Variants in GRIN2A observed in about 807,000 individuals in gnomAD.
GRIN2A encodes glutamate receptor ionotropic, NMDA 2A.
GRIN2A carries 22 observed loss-of-function variants against 113.4 expected under a neutral mutation model. The observed-to-expected ratio is 0.19, with a 90% CI of 0.14 to 0.28. GRIN2A has a LOEUF of 0.28. Among genes scored for constraint, GRIN2A ranks in the 10% least tolerant of loss-of-function variants. The pLI, the probability that GRIN2A is intolerant of heterozygous loss-of-function variation, is 1.00. For missense variants in GRIN2A, 1,502 were observed against 1,887.0 expected (o/e 0.80, Z 3.78); for synonymous variants, 827 against 738.4 (o/e 1.12, Z -1.94).
intron 2 of GRIN2A, chr16:10,111,895 A>G: frequency 2.3e-6 from 2 of 868,030 alleles, no homozygotes; most frequent in Non-Finnish European, 3.8e-6. Context: ...GAAGGACCAC[A>G]CCACCCTCCT....
At chr16:9,777,545 A>G (rs1175633257) in intron 11 of GRIN2A, among the ~76,000 whole-genome samples, 1 of 152,250 alleles carries the variant, frequency 6.6e-6, no homozygotes, top group Admixed American at 6.5e-5. Flanking sequence ...AAATAAAAAT[A>G]GGGCTAGGCT....
rs1473479428 is a variant in GRIN2A at position 9,798,395 on chromosome 16, C to T, written c.2238G>A (p.Lys746=). Residue 746 remains lysine, a synonymous_variant, in exon 11 of 13, where the codon AAG becomes AAA. Coordinates refer to ENST00000330684, the MANE Select transcript of GRIN2A (RefSeq NM_001134407.3). The part of the protein sequence containing the change: ...NYKAGRDEGC[K]LVTIGSGYIF... ...TGTACCCACTCCCGATGGTCACCAG[C>T]TTGCAGCCTTCATCCCTCCCAGCCT... 3 of 1,613,948 alleles carry T rather than the reference C, an allele frequency of 1.9e-6. No homozygotes were observed. The highest frequency in any genetic ancestry group is 3.3e-5 in the Admixed American group (2 of 60,006).
At chr16:9,895,736 G>T (rs1426533369) in intron 3 of GRIN2A, among the ~76,000 whole-genome samples, 1 of 152,186 alleles carries the variant, frequency 6.6e-6, no homozygotes, top group Non-Finnish European at 1.5e-5. Context: ...CAGTCACTCT[G>T]TACCTGCTGC....
At chr16:10,039,743 G>A (rs951428979) in intron 2 of GRIN2A, among the ~76,000 whole-genome samples, 1 of 140,190 alleles carries the variant, frequency 7.1e-6, no homozygotes, top group Non-Finnish European at 1.6e-5. Context: ...TCAGCAATGA[G>A]GAGCCTGAGC....
rs537301631 is a variant in GRIN2A at position 9,901,457 on chromosome 16, T to C, written c.1008-10357A>G. On this transcript the variant is annotated intron_variant, in intron 3 of 12. Coordinates refer to ENST00000330684, the MANE Select transcript of GRIN2A (RefSeq NM_001134407.3). ...TTTATACGATATTATTTGGGGAAAA[T>C]ACATATTATATATATATTTTTGAGA... Among the ~76,000 whole-genome samples the C allele has an allele frequency of 8.0e-4, 122 of 152,254 alleles. 2 individuals carry two copies. Among genetic ancestry groups the C allele is most frequent in the African/African-American group, 2.9e-3 (119 of 41,548 alleles).
intron 10 of GRIN2A, among the ~76,000 whole-genome samples, chr16:9,803,782 G>A (rs540737652): frequency 6.6e-6 from 1 of 152,298 alleles, no homozygotes; most frequent in South Asian, 2.1e-4. Context: ...AAGTGGCATT[G>A]GAACCTATGC....
chr16:10,152,206 T>A (rs1596557221), intron 2 of GRIN2A, among the ~76,000 whole-genome samples: 1 of 152,210 alleles, frequency 6.6e-6, no homozygotes, highest in Non-Finnish European at 1.5e-5. Flanking sequence ...ATGTGGCTAG[T>A]GCCATTTCCA....
chr16:10,049,962 A>G (rs1200900917), intron 2 of GRIN2A, among the ~76,000 whole-genome samples: 1 of 152,180 alleles, frequency 6.6e-6, no homozygotes, highest in African/African-American at 2.4e-5. Flanking sequence ...TCCCATATTT[A>G]TACTCATACC....
At chr16:10,127,016 G>C (rs2048953643) in intron 2 of GRIN2A, among the ~76,000 whole-genome samples, 1 of 152,134 alleles carries the variant, frequency 6.6e-6, no homozygotes, top group Non-Finnish European at 1.5e-5. Context: ...TCACACGCTT[G>C]CCCTATCCAA....
At position 9,943,472 on chromosome 16, in the gene GRIN2A, CA is replaced by C. The variant is rs1450327555; in HGVS notation, c.415-4922del. On this transcript the variant is annotated intron_variant, in intron 2 of 12. Transcript: ENST00000330684. ...AATGTTCCAGAGCTTGCTCGGTCCC[CA>C]GGGTGACACCTGACTCCATGGGTAC... Among the ~76,000 whole-genome samples the C allele has an allele frequency of 6.6e-5, 10 of 152,282 alleles. No individual in the cohort carries two copies. In the South Asian group the frequency reaches 1.9e-3, roughly 28 times the overall value.
rs11641939 is a variant in GRIN2A at position 10,147,371 on chromosome 16, G to A, written c.414+32627C>T. 3.9e-3 allele frequency among the ~76,000 whole-genome samples: 592 copies of A among 151,254 alleles called. 6 individuals carry two copies. Among genetic ancestry groups the A allele is most frequent in the Admixed American group, 5.2e-3 (78 of 15,116 alleles). On this transcript the variant is annotated intron_variant, in intron 2 of 12. Coordinates refer to ENST00000330684, the MANE Select transcript of GRIN2A (RefSeq NM_001134407.3). ...GTACTGTAATCCCAGCACTTTGGGA[G>A]GCCGAGGTAAGCAGATCATTTGAGC...
intron 2 of GRIN2A, among the ~76,000 whole-genome samples, chr16:10,094,955 A>G (rs576510580): frequency 6.6e-6 from 1 of 151,752 alleles, no homozygotes; most frequent in South Asian, 2.1e-4. Context: ...CATATATTGA[A>G]GCCTTAACCT....
chr16:9,789,348 CT>C (rs748507840), intron 11 of GRIN2A, among the ~76,000 whole-genome samples: 2 of 152,164 alleles, frequency 1.3e-5, no homozygotes, highest in Non-Finnish European at 2.9e-5. Context: ...TTCTGGGCCC[CT>C]GAAGGTACAG....
chr16:9,882,871 A>C (rs1362625378), intron 4 of GRIN2A, among the ~76,000 whole-genome samples: 1 of 152,240 alleles, frequency 6.6e-6, no homozygotes, highest in East Asian at 1.9e-4. Flanking sequence ...GGTAGAATCA[A>C]TTGCATCCAG....
intron 10 of GRIN2A, among the ~76,000 whole-genome samples, chr16:9,806,356 A>T (rs757859827): frequency 6.6e-6 from 1 of 152,226 alleles, no homozygotes; most frequent in Admixed American, 6.5e-5. Flanking sequence ...TGAGTCATCT[A>T]TGGATTTTTA....
At chr16:10,085,394 T>G (rs1461346539) in intron 2 of GRIN2A, among the ~76,000 whole-genome samples, 2 of 152,222 alleles carry the variant, frequency 1.3e-5, no homozygotes, top group African/African-American at 4.8e-5. Context: ...AGTAAATTAA[T>G]ATGAATGTCA....
intron 4 of GRIN2A, among the ~76,000 whole-genome samples, chr16:9,871,765 G>T (rs934533615): frequency 1.3e-5 from 2 of 152,142 alleles, no homozygotes; most frequent in African/African-American, 4.8e-5. Flanking sequence ...TGGAATCACA[G>T]TTTAAAAACT....
At chr16:10,112,159 A>T in intron 2 of GRIN2A, 1 of 585,568 alleles carries the variant, frequency 1.7e-6, no homozygotes, top group Non-Finnish European at 3.2e-6. Flanking sequence ...TACTGCCTGG[A>T]CCTGCTCACC....
intron 2 of GRIN2A, among the ~76,000 whole-genome samples, chr16:10,081,483 CA>C (rs1456798894): frequency 6.6e-6 from 1 of 152,176 alleles, no homozygotes; most frequent in African/African-American, 2.4e-5. Context: ...ATGGCAAGAA[CA>C]AGCACTGAAG....
Sources: allele counts gnomAD v4.1 joint callset (sites outside exome capture counted in the v4.1 genomes callset), GRCh38; gene constraint gnomAD v4.1.1; transcripts MANE v1.5; gene names NCBI Gene and HGNC (gene_info 2026-07-23, HGNC 2026-07-21).